The following AK9 variants were observed in gnomAD, a reference collection of about 807,000 sequenced individuals.
AK9 encodes the protein adenylate kinase 9, also known as adenylate kinase domain containing 1.
A neutral mutation model predicts 239.6 loss-of-function variants in AK9; 191 were observed. The ratio of observed to expected loss-of-function variants is 0.80; its 90% CI spans 0.71 to 0.90. AK9 has a LOEUF of 0.90. Among genes scored for constraint, AK9 ranks in the 40% least tolerant of loss-of-function variants. The pLI, the probability that AK9 is intolerant of heterozygous loss-of-function variation, is 0.00. For synonymous variants in AK9, 689 were observed against 721.0 expected (o/e 0.96, Z 0.71); for missense variants, 1,995 against 2,214.7 (o/e 0.90, Z 1.99).
chr6:109,611,194 G>C (rs1401168768), intron 16 of AK9, among the ~76,000 whole-genome samples: 1 of 152,178 alleles, frequency 6.6e-6, no homozygotes, highest in African/African-American at 2.4e-5. Flanking sequence ...GCTGGAGCCA[G>C]ACTGATCCCA....
chr6:109,566,251 G>A (rs900094741), intron 21 of AK9, among the ~76,000 whole-genome samples: 7 of 152,062 alleles, frequency 4.6e-5, no homozygotes, highest in African/African-American at 1.7e-4. Context: ...TGGGAGTCAG[G>A]GTAGGGGGAC....
chr6:109,551,066 A>C (rs1169881483), intron 24 of AK9, among the ~76,000 whole-genome samples: 5 of 152,194 alleles, frequency 3.3e-5, no homozygotes, highest in Admixed American at 3.3e-4. Context: ...ATATTTAGGC[A>C]CATATATAGT....
intron 6 of AK9, 119 bp downstream of exon 6, chr6:109,662,432 T>C (rs1800555541): frequency 1.2e-6 from 1 of 825,738 alleles, no homozygotes; most frequent in Admixed American, 4.5e-5. Context: ...TCAGTTCCTG[T>C]GATTGATGCA....
intron 2 of AK9, among the ~76,000 whole-genome samples, 166 bp from the exon 3 acceptor site, chr6:109,674,427 C>A (rs890507752): frequency 6.6e-6 from 1 of 152,080 alleles, no homozygotes; most frequent in African/African-American, 2.4e-5. Context: ...TTTAGTTTTT[C>A]TTTACTAATT....
chr6:109,635,075 G>A (rs1294883195), intron 10 of AK9, among the ~76,000 whole-genome samples: 1 of 152,040 alleles, frequency 6.6e-6, no homozygotes, highest in Non-Finnish European at 1.5e-5. Context: ...ATTTATGTTT[G>A]CTGCTTCCTA....
chr6:109,589,828 G>A (rs998926058), intron 17 of AK9, among the ~76,000 whole-genome samples: 2 of 152,076 alleles, frequency 1.3e-5, no homozygotes, highest in African/African-American at 4.8e-5. Context: ...TTATCACATA[G>A]TTTTTTGTTT....
At chr6:109,607,804 T>TGA (rs1793087766) in intron 17 of AK9, among the ~76,000 whole-genome samples, 1 of 151,340 alleles carries the variant, frequency 6.6e-6, no homozygotes, top group East Asian at 1.9e-4. Flanking sequence ...TGTGTGTGTG[T>TGA]GAAAATTGAG....
At chr6:109,594,616 C>T (rs1790757408) in intron 17 of AK9, among the ~76,000 whole-genome samples, 1 of 152,184 alleles carries the variant, frequency 6.6e-6, no homozygotes, top group Admixed American at 6.5e-5. Context: ...AACTATACTA[C>T]AAGACTACAG....
chr6:109,528,498 G>A (rs1220118861), intron 29 of AK9: 3 of 451,754 alleles, frequency 6.6e-6, no homozygotes, highest in Non-Finnish European at 1.3e-5. Flanking sequence ...CTTACATGGT[G>A]CCATAATTTT....
At chr6:109,612,416 A>AT (rs150229013) in intron 15 of AK9, among the ~76,000 whole-genome samples, 3,222 of 152,318 alleles carry the variant, frequency 0.021, 69 homozygotes, top group Non-Finnish European at 0.031. Flanking sequence ...GACACAGGGC[A>AT]GAAGAATGCC....
chr6:109,627,064 CATT>C (rs1247788272), intron 12 of AK9, among the ~76,000 whole-genome samples: 1 of 149,472 alleles, frequency 6.7e-6, no homozygotes, highest in African/African-American at 2.5e-5. Flanking sequence ...AACACAAACT[CATT>C]GTACAGATGT....
chr6:109,610,472 G>T lies in AK9; in HGVS notation c.1735C>A (p.Pro579Thr). 7 of 1,551,270 alleles carry T rather than the reference G, an allele frequency of 4.5e-6. No homozygotes were observed. The highest frequency in any genetic ancestry group is 6.1e-6 in the Non-Finnish European group (7 of 1,146,800). The change falls in exon 17 of 41, where the codon CCA becomes ACA. Residue 579 changes from proline (P) to threonine (T), a missense_variant. Transcript: ENST00000424296. ...DLIEEVTADH[P>T]EVVTMIEETI... ...TCTTCAATCATGGTCACAACCTCTGGATGATCTGCAGTTACCTCTTCTATC... is the reference window on the plus strand; with the variant it reads ...TCTTCAATCATGGTCACAACCTCTGTATGATCTGCAGTTACCTCTTCTATC...
intron 3 of AK9, among the ~76,000 whole-genome samples, chr6:109,673,443 T>C (rs993095068): frequency 6.6e-5 from 10 of 152,172 alleles, no homozygotes; most frequent in South Asian, 6.2e-4. Context: ...TATTGTTTAT[T>C]TTTATTTCTA....
At chr6:109,662,062 C>T (rs1353836645) in intron 6 of AK9, among the ~76,000 whole-genome samples, 2 of 152,170 alleles carry the variant, frequency 1.3e-5, no homozygotes, top group South Asian at 2.1e-4. Context: ...CTATGTACCA[C>T]GTAATATACT....
chr6:109,626,708 T>A lies in AK9; in HGVS notation c.1254+6215A>T, dbSNP rs369437421. Among the ~76,000 whole-genome samples the A allele has an allele frequency of 3.9e-5, 6 of 152,226 alleles. No homozygotes were observed. In the South Asian group the frequency reaches 8.3e-4, roughly 21 times the overall value. On this transcript the variant is annotated intron_variant, in intron 12 of 40. Coordinates refer to ENST00000424296, the MANE Select transcript of AK9 (RefSeq NM_001145128.3). The stretch of plus-strand genomic sequence containing the variant: ...GCAACTGTAACACAATGTTAAGGAT[T>A]TGTATGTCTAAACATATCTAAATAT...
rs73523158 is a variant in AK9 at position 109,559,792 on chromosome 6, T to A, written c.2751+3805A>T. ...GCTGCTTAACAAATTACCACAAATA[T>A]AGTGGCTTAAAACAACAAACATGTA... On this transcript the variant is annotated intron_variant, in intron 24 of 40. Transcript: ENST00000424296. Among the ~76,000 whole-genome samples the A allele has an allele frequency of 8.2e-3, 1,242 of 152,330 alleles. 26 individuals carry two copies. Among genetic ancestry groups the A allele is most frequent in the African/African-American group, 0.027 (1,103 of 41,564 alleles).
rs573075611 is a variant in AK9 at position 109,657,991 on chromosome 6, A to T, written c.631-1107T>A. 3.9e-5 allele frequency among the ~76,000 whole-genome samples: 6 copies of T among 152,320 alleles called. No individual in the cohort carries two copies. The East Asian group carries it at 1.2e-3, about 29-fold the overall frequency. On this transcript the variant is annotated intron_variant, in intron 7 of 40. Transcript: ENST00000424296. ...CCATATTCTCTATATAAGCCATTTT[A>T]TAACCTGTTTTAAGTATTATTTTAA...
chr6:109,658,356 G>C (rs1454880276), intron 7 of AK9, among the ~76,000 whole-genome samples: 1 of 152,146 alleles, frequency 6.6e-6, no homozygotes, highest in Non-Finnish European at 1.5e-5. Flanking sequence ...ACTGGAGACA[G>C]TCCCTGCTGC....
At chr6:109,581,315 T>C (rs905954098) in intron 19 of AK9, among the ~76,000 whole-genome samples, 1 of 152,214 alleles carries the variant, frequency 6.6e-6, no homozygotes, top group Admixed American at 6.5e-5. Context: ...GGAAGGTATA[T>C]TGAAGGCTGA....
Sources: gnomAD v4.1 joint callset for allele counts (sites outside exome capture counted in the v4.1 genomes callset) on GRCh38, gnomAD v4.1.1 for gene constraint, MANE v1.5 for transcripts, NCBI Gene and HGNC (gene_info 2026-07-23, HGNC 2026-07-21) for gene names.